LAMC1: variants seen among roughly 807,000 people sequenced by gnomAD.
LAMC1 encodes laminin subunit gamma 1, also known as laminin subunit gamma-1.
LAMC1 carries 38 observed loss-of-function variants against 173.6 expected under a neutral mutation model. That is an observed-to-expected ratio of 0.22 (90% CI 0.17 to 0.29). The LOEUF is 0.29. Ranked by LOEUF, LAMC1 falls within the 10% of genes least tolerant of loss-of-function variation. LAMC1 has a pLI of 1.00. For synonymous variants in LAMC1, 746 were observed against 749.1 expected, an observed-to-expected ratio of 1.00 and a Z score of 0.07; for missense variants, 1,824 against 2,051.8, an observed-to-expected ratio of 0.89 and a Z score of 2.14.
In LAMC1 at chr1:183,143,092, A is replaced by G. The variant is rs925555231; in HGVS notation, c.*302A>G. ...TACGTTACTGTACAGTGGCATAAGC[A>G]CATCGTGTGAGCCCATGTATGCTGG... On this transcript the variant is annotated 3_prime_UTR_variant, in exon 28 of 28. Transcript: ENST00000258341. The G allele has an allele frequency of 1.8e-5, 5 of 276,082 alleles. No homozygotes were observed. Among genetic ancestry groups the G allele is most frequent in the African/African-American group, 8.7e-5 (4 of 45,788 alleles). 17.1% of individuals were successfully genotyped at this position (276,082 alleles called of 1,614,324 possible). A position where few individuals can be genotyped will look rare whatever the true frequency, so the allele number is the denominator to read the frequency against.
At chr1:183,084,869 T>G (rs1655384644) in intron 1 of LAMC1, among the ~76,000 whole-genome samples, 1 of 152,198 alleles carries the variant, frequency 6.6e-6, no homozygotes, top group Admixed American at 6.5e-5. Flanking sequence ...AAAATGTAGT[T>G]GAGGGTGTAT....
At chr1:183,046,810 A>C (rs1183396091) in intron 1 of LAMC1, among the ~76,000 whole-genome samples, 1 of 152,106 alleles carries the variant, frequency 6.6e-6, no homozygotes, top group Non-Finnish European at 1.5e-5. Flanking sequence ...TGATTAGAAC[A>C]ATATACAGAA....
Position 183,071,196 on chromosome 1 carries a change from A to G in LAMC1, c.419-32132A>G, listed in dbSNP as rs186867335. 1.5e-3 allele frequency among the ~76,000 whole-genome samples: 228 copies of G among 151,724 alleles called. 2 individuals are homozygous for G. The highest frequency in any genetic ancestry group is 5.1e-3 in the African/African-American group (212 of 41,348). On this transcript the variant is annotated intron_variant, in intron 1 of 27. Transcript: ENST00000258341. ...TTGTGTGTGTGTTGACAACTTAGGAAATTGGTGATTGATGCAGAAAGGAAG... is the reference window on the plus strand; with the variant it reads ...TTGTGTGTGTGTTGACAACTTAGGAGATTGGTGATTGATGCAGAAAGGAAG...
intron 1 of LAMC1, among the ~76,000 whole-genome samples, chr1:183,057,792 G>A (rs1202412273): frequency 6.6e-6 from 1 of 152,106 alleles, no homozygotes; most frequent in Non-Finnish European, 1.5e-5. Context: ...TGTAGCCTAA[G>A]CCTGAAGGGT....
At chr1:183,062,344 A>G (rs1214385103) in intron 1 of LAMC1, among the ~76,000 whole-genome samples, 1 of 152,194 alleles carries the variant, frequency 6.6e-6, no homozygotes, top group Non-Finnish European at 1.5e-5. Flanking sequence ...TTGTAGTTTC[A>G]GGGCAGCATT....
At chr1:183,045,882 G>A (rs1654254042) in intron 1 of LAMC1, among the ~76,000 whole-genome samples, 1 of 151,988 alleles carries the variant, frequency 6.6e-6, no homozygotes, top group African/African-American at 2.4e-5. Context: ...TATTTATAAA[G>A]GAGAGTATCT....
intron 3 of LAMC1, 58 bp downstream of exon 3, chr1:183,108,464 T>C: frequency 2.2e-5 from 31 of 1,422,866 alleles, no homozygotes; most frequent in African/African-American, 2.9e-5. Context: ...TAGAGGTGAA[T>C]CTAGCAACTT....
intron 1 of LAMC1, among the ~76,000 whole-genome samples, chr1:183,078,180 A>G (rs1487437676): frequency 1.3e-5 from 2 of 152,168 alleles, no homozygotes; most frequent in East Asian, 1.9e-4. Flanking sequence ...TATTTATCAC[A>G]TTGGAATGTT....
At chr1:183,024,249 T>G in intron 1 of LAMC1, 115 bp downstream of exon 1, 3 of 982,862 alleles carry the variant, frequency 3.1e-6, no homozygotes, top group Non-Finnish European at 4.4e-6. Flanking sequence ...TTGCTCTCTG[T>G]TCCCCGGCAT....
At chr1:183,041,188 G>A (rs1654122477) in intron 1 of LAMC1, among the ~76,000 whole-genome samples, 1 of 152,226 alleles carries the variant, frequency 6.6e-6, no homozygotes, top group Non-Finnish European at 1.5e-5. Flanking sequence ...AAAGAGTACT[G>A]TGTCAGGCTT....
At chr1:183,044,820 A>G (rs1246674658) in intron 1 of LAMC1, among the ~76,000 whole-genome samples, 1 of 152,062 alleles carries the variant, frequency 6.6e-6, no homozygotes, top group Non-Finnish European at 1.5e-5. Flanking sequence ...CACAATGCCA[A>G]GTTAAATACC....
chr1:183,050,301 TG>T (rs1158639297), intron 1 of LAMC1, among the ~76,000 whole-genome samples: 44 of 146,770 alleles, frequency 3.0e-4, no homozygotes, highest in African/African-American at 9.2e-4. Flanking sequence ...TTTTTTTTTT[TG>T]AGACAGAGTC....
intron 11 of LAMC1, among the ~76,000 whole-genome samples, chr1:183,120,197 G>A (rs574103800): frequency 1.4e-5 from 2 of 142,596 alleles, no homozygotes; most frequent in African/African-American, 2.5e-5. Context: ...AAAAGGTGGC[G>A]GGGTGGTGTT....
chr1:183,024,740 T>A (rs1345447188), intron 1 of LAMC1, among the ~76,000 whole-genome samples: 1 of 152,260 alleles, frequency 6.6e-6, no homozygotes, highest in Non-Finnish European at 1.5e-5. Context: ...ATTTGACTGC[T>A]AATCCTGGTG....
chr1:183,138,017 G>T, intron 26 of LAMC1, 190 bp downstream of exon 26: 1 of 580,088 alleles, frequency 1.7e-6, no homozygotes, highest in Non-Finnish European at 2.6e-6. Context: ...TAATTTTGTT[G>T]CACAATTGTC....
chr1:183,042,780 T>C lies in LAMC1; in HGVS notation c.418+18646T>C, dbSNP rs188482787. 1.5e-3 allele frequency among the ~76,000 whole-genome samples: 224 copies of C among 152,316 alleles called. 1 individual carries two copies. The highest frequency in any genetic ancestry group is 2.4e-3 in the Non-Finnish European group (164 of 68,016). On this transcript the variant is annotated intron_variant, in intron 1 of 27. Coordinates refer to ENST00000258341, the MANE Select transcript of LAMC1 (RefSeq NM_002293.4). ...GACTTTACAGAATTGGTTTATTCTT[T>C]GACCTTTTCCATTTTCACACCCCCA...
At chr1:183,080,972 C>T (rs537295671) in intron 1 of LAMC1, among the ~76,000 whole-genome samples, 2 of 151,950 alleles carry the variant, frequency 1.3e-5, no homozygotes, top group Non-Finnish European at 2.9e-5. Context: ...CACTGCAACC[C>T]CCATCTTCTG....
intron 23 of LAMC1, 62 bp from the exon 24 acceptor site, chr1:183,134,980 G>A (rs1454196787): frequency 1.4e-6 from 2 of 1,448,454 alleles, no homozygotes; most frequent in Non-Finnish European, 1.9e-6. Context: ...AGCCTTGTCT[G>A]TCCAGGAGAC....
chr1:183,140,245 C>CAAAAAAAAAAAAAAAAAAAAAAAAAAAAA (rs56152259), intron 26 of LAMC1, among the ~76,000 whole-genome samples, 159 bp from the exon 27 acceptor site: 3 of 52,936 alleles, frequency 5.7e-5, no homozygotes, highest in African/African-American at 2.1e-4. Flanking sequence ...GCAGCCCCAC[C>CAAAAAAAAAAAAAAAAAAAAAAAAAAAAA]AAAAAAAAAA....
Sources: gnomAD v4.1 joint callset for allele counts (sites outside exome capture counted in the v4.1 genomes callset) on GRCh38, gnomAD v4.1.1 for gene constraint, MANE v1.5 for transcripts, NCBI Gene and HGNC (gene_info 2026-07-23, HGNC 2026-07-21) for gene names.